Variants in PTPRD observed in about 807,000 individuals in gnomAD.
PTPRD encodes the protein receptor-type tyrosine-protein phosphatase delta.
In PTPRD, 34 loss-of-function variants were observed where a neutral mutation model predicts 214.5. The ratio of observed to expected loss-of-function variants is 0.16; its 90% CI spans 0.12 to 0.21. The LOEUF (loss-of-function observed/expected upper bound fraction) is 0.21. Ranked by LOEUF, PTPRD falls within the 10% of genes least tolerant of loss-of-function variation. PTPRD has a pLI of 1.00. For missense variants in PTPRD, 2,545 were observed against 2,398.7 expected (o/e 1.06, Z -1.27); for synonymous variants, 1,128 against 845.7 (o/e 1.33, Z -5.79).
chr9:10,324,035 T>C (rs557821414), intron 3 of PTPRD, among the ~76,000 whole-genome samples: 1 of 152,184 alleles, frequency 6.6e-6, no homozygotes, highest in African/African-American at 2.4e-5. Flanking sequence ...CCTGGAAACA[T>C]TTAAAATTGG....
intron 3 of PTPRD, among the ~76,000 whole-genome samples, chr9:10,094,563 G>A (rs1359869512): frequency 2.1e-5 from 3 of 142,764 alleles, no homozygotes; most frequent in African/African-American, 5.2e-5. Context: ...TTTCTGAAAT[G>A]GGGCAGAGTA....
chr9:9,984,304 A>G (rs1051278621), intron 4 of PTPRD, among the ~76,000 whole-genome samples: 6 of 152,154 alleles, frequency 3.9e-5, no homozygotes, highest in African/African-American at 1.4e-4. Context: ...ATATAAGAAA[A>G]CTTTTCTATC....
intron 2 of PTPRD, among the ~76,000 whole-genome samples, chr9:10,569,106 C>T (rs541851670): frequency 3.3e-5 from 5 of 152,060 alleles, no homozygotes; most frequent in African/African-American, 1.2e-4. Flanking sequence ...AAAAAATGGG[C>T]GAAGGATATG....
At chr9:9,581,908 T>G (rs751500299) in intron 7 of PTPRD, among the ~76,000 whole-genome samples, 5 of 152,302 alleles carry the variant, frequency 3.3e-5, no homozygotes, top group Non-Finnish European at 5.9e-5. Flanking sequence ...TATACTATAA[T>G]GTGAGGTTAA....
chr9:10,438,706 G>T (rs537470336), intron 2 of PTPRD, among the ~76,000 whole-genome samples: 1 of 151,746 alleles, frequency 6.6e-6, no homozygotes, highest in East Asian at 1.9e-4. Context: ...AAAGGAACTG[G>T]CATACTGAAA....
At chr9:9,301,736 T>C (rs1423214604) in intron 9 of PTPRD, among the ~76,000 whole-genome samples, 3 of 151,924 alleles carry the variant, frequency 2.0e-5, no homozygotes, top group African/African-American at 7.2e-5. Context: ...TTGTATTGAT[T>C]GCACTAATTA....
intron 10 of PTPRD, among the ~76,000 whole-genome samples, chr9:9,121,430 C>T (rs2099817495): frequency 6.6e-6 from 1 of 151,732 alleles, no homozygotes; most frequent in African/African-American, 2.4e-5. Context: ...ATCCAAATGC[C>T]CATCAATCAA....
chr9:10,544,885 T>C (rs1303269052), intron 2 of PTPRD, among the ~76,000 whole-genome samples: 1 of 152,176 alleles, frequency 6.6e-6, no homozygotes, highest in East Asian at 1.9e-4. Context: ...TCCTCAAATA[T>C]ATAATAAAAT....
intron 8 of PTPRD, among the ~76,000 whole-genome samples, chr9:9,511,918 G>T (rs967156665): frequency 2.0e-5 from 3 of 151,630 alleles, no homozygotes; most frequent in African/African-American, 4.8e-5. Context: ...ACCTAAAACT[G>T]CTATTTGCAT....
rs544595994 is a variant in PTPRD at position 10,177,245 on chromosome 9, C to G, written c.-544-143455G>C. ...TTGCCAGGAAAGGTGAGTAAGGAGC[C>G]AATGTTGAAAGAGAAGAATATAAAT... On this transcript the variant is annotated intron_variant, in intron 3 of 45. Transcript: ENST00000381196. Among the ~76,000 whole-genome samples the G allele has an allele frequency of 1.3e-3, 201 of 151,582 alleles. 1 individual carries two copies. The highest frequency in any genetic ancestry group is 4.2e-3 in the African/African-American group (173 of 41,374).
intron 11 of PTPRD, among the ~76,000 whole-genome samples, chr9:8,890,153 T>C: frequency 6.6e-6 from 1 of 152,232 alleles, no homozygotes; most frequent in East Asian, 1.9e-4. Flanking sequence ...TATGTCAGAA[T>C]ATTCTCATCA....
intron 43 of PTPRD, among the ~76,000 whole-genome samples, chr9:8,334,645 C>G (rs1844836276): frequency 1.8e-5 from 2 of 113,640 alleles, no homozygotes; most frequent in African/African-American, 3.6e-5. Context: ...CAAGAGCAAA[C>G]AAATTCAAAA....
intron 11 of PTPRD, among the ~76,000 whole-genome samples, chr9:8,830,931 A>G (rs1319736968): frequency 6.6e-6 from 1 of 152,194 alleles, no homozygotes; most frequent in African/African-American, 2.4e-5. Flanking sequence ...AGCAAGTGAT[A>G]TATCAGCATT....
chr9:8,471,889 GT>G (rs1565083603), intron 30 of PTPRD, among the ~76,000 whole-genome samples: 1 of 152,118 alleles, frequency 6.6e-6, no homozygotes, highest in Non-Finnish European at 1.5e-5. Context: ...TCATATTCCT[GT>G]TTAGGGATTC....
chr9:9,610,988 T>C (rs2094482720), intron 7 of PTPRD, among the ~76,000 whole-genome samples: 1 of 152,190 alleles, frequency 6.6e-6, no homozygotes, highest in Non-Finnish European at 1.5e-5. Flanking sequence ...CTCAACACAT[T>C]GATTGAATAT....
intron 11 of PTPRD, among the ~76,000 whole-genome samples, chr9:8,756,355 A>AT (rs1010785726): frequency 6.6e-5 from 10 of 152,248 alleles, no homozygotes; most frequent in South Asian, 2.1e-4. Context: ...AAAGACAAAG[A>AT]TTTTTTTTAA....
intron 2 of PTPRD, among the ~76,000 whole-genome samples, chr9:10,430,991 A>C (rs1225271347): frequency 6.6e-6 from 1 of 152,010 alleles, no homozygotes; most frequent in South Asian, 2.1e-4. Context: ...ATAATAACCT[A>C]TACCTTGAAT....
chr9:9,412,338 T>C (rs183269409), intron 8 of PTPRD, among the ~76,000 whole-genome samples: 144 of 152,338 alleles, frequency 9.5e-4, no homozygotes, highest in Non-Finnish European at 1.5e-3. Context: ...CCATGCCTAC[T>C]GAAATTGTTG....
chr9:9,090,985 A>C, intron 10 of PTPRD: 1 of 1,574,872 alleles, frequency 6.3e-7, no homozygotes, highest in Non-Finnish European at 8.6e-7. Context: ...TGCCCGATGC[A>C]TGCCCAAGGA....
Sources: gnomAD v4.1 joint callset for allele counts (sites outside exome capture counted in the v4.1 genomes callset) on GRCh38, gnomAD v4.1.1 for gene constraint, MANE v1.5 for transcripts, NCBI Gene and HGNC (gene_info 2026-07-23, HGNC 2026-07-21) for gene names.